Variants in RNGTT observed in about 807,000 individuals in gnomAD.
RNGTT encodes the protein RNA guanylyltransferase and 5'-phosphatase.
A neutral mutation model predicts 79.3 loss-of-function variants in RNGTT; 33 were observed. That is an observed-to-expected ratio of 0.42 (90% confidence interval 0.32 to 0.56). The LOEUF (loss-of-function observed/expected upper bound fraction) is 0.56. Among genes scored for constraint, RNGTT ranks in the 20% least tolerant of loss-of-function variants. The probability of loss-of-function intolerance (pLI) is 0.17; values close to 1 mark genes in which losing one functional copy is unlikely to be tolerated. For missense variants in RNGTT, 497 were observed against 739.1 expected (o/e 0.67, Z 3.80); for synonymous variants, 222 against 235.9 (o/e 0.94, Z 0.54).
intron 14 of RNGTT, among the ~76,000 whole-genome samples, chr6:88,664,311 C>A (rs1319470200): frequency 6.6e-6 from 1 of 152,208 alleles, no homozygotes; most frequent in Non-Finnish European, 1.5e-5. Context: ...CGCATGTACA[C>A]TCCCTTTGAC....
intron 12 of RNGTT, among the ~76,000 whole-genome samples, chr6:88,801,004 C>T (rs941831699): frequency 6.6e-6 from 1 of 152,154 alleles, no homozygotes; most frequent in African/African-American, 2.4e-5. Flanking sequence ...AATGAGAAAA[C>T]CTGCTATAGA....
At chr6:88,854,243 T>G (rs1264032496) in intron 8 of RNGTT, among the ~76,000 whole-genome samples, 1 of 152,092 alleles carries the variant, frequency 6.6e-6, no homozygotes, top group East Asian at 1.9e-4. Context: ...AAATAATAAT[T>G]TTTTTAACTT....
intron 4 of RNGTT, among the ~76,000 whole-genome samples, chr6:88,925,594 TAA>T (rs35542749): frequency 1.3e-4 from 14 of 111,852 alleles, no homozygotes; most frequent in South Asian, 2.8e-4. Flanking sequence ...CCTTACCTCA[TAA>T]AAAAAAAAAA....
At chr6:88,686,017 A>T (rs1252376711) in intron 13 of RNGTT, among the ~76,000 whole-genome samples, 1 of 151,452 alleles carries the variant, frequency 6.6e-6, no homozygotes, top group Admixed American at 6.6e-5. Context: ...AACATAATAT[A>T]TATACATATG....
intron 13 of RNGTT, among the ~76,000 whole-genome samples, chr6:88,707,968 C>T (rs141814230): frequency 6.6e-6 from 1 of 151,922 alleles, no homozygotes; most frequent in East Asian, 2.0e-4. Flanking sequence ...AAATCAAGAT[C>T]TAAGTAGACA....
chr6:88,739,867 C>T (rs1044542497), intron 13 of RNGTT, among the ~76,000 whole-genome samples: 5 of 148,698 alleles, frequency 3.4e-5, no homozygotes, highest in Non-Finnish European at 4.5e-5. Context: ...TATGAAGCTC[C>T]CATGAGGATT....
intron 11 of RNGTT, among the ~76,000 whole-genome samples, chr6:88,829,767 C>T (rs1780794899): frequency 6.9e-6 from 1 of 144,106 alleles, no homozygotes; most frequent in East Asian, 2.0e-4. Context: ...AGACTTTAAA[C>T]CAACAAAGAT....
At chr6:88,663,497 T>C (rs1023624833) in intron 14 of RNGTT, among the ~76,000 whole-genome samples, 2 of 152,162 alleles carry the variant, frequency 1.3e-5, no homozygotes, top group Admixed American at 6.5e-5. Flanking sequence ...GCAGTACTAG[T>C]AGCAAAGGGA....
intron 11 of RNGTT, among the ~76,000 whole-genome samples, chr6:88,839,424 G>A (rs918858441): frequency 2.6e-5 from 4 of 152,046 alleles, no homozygotes; most frequent in African/African-American, 7.2e-5. Flanking sequence ...TAAAAAATTA[G>A]CTAGGAATGG....
intron 9 of RNGTT, 117 bp from the exon 10 acceptor site, chr6:88,849,943 A>C (rs1271325740): frequency 1.0e-6 from 1 of 986,650 alleles, no homozygotes; most frequent in Admixed American, 4.1e-5. Context: ...AACTTGATGA[A>C]ATTTCAAAGT....
chr6:88,628,864 T>C (rs184730231), intron 14 of RNGTT, among the ~76,000 whole-genome samples: 9 of 152,136 alleles, frequency 5.9e-5, no homozygotes, highest in Admixed American at 4.6e-4. Flanking sequence ...TGACTAACAG[T>C]TAAAGAGCTA....
intron 12 of RNGTT, among the ~76,000 whole-genome samples, chr6:88,791,225 G>A (rs61166580): frequency 0.021 from 3,076 of 145,356 alleles, 117 homozygotes; most frequent in African/African-American, 0.073. Context: ...GTTCATTACA[G>A]CCTTGACCTC....
chr6:88,914,667 A>G (rs1346397124), intron 4 of RNGTT, among the ~76,000 whole-genome samples: 1 of 152,220 alleles, frequency 6.6e-6, no homozygotes, highest in Admixed American at 6.5e-5. Context: ...TAAATGTAAG[A>G]CTGCAAACTA....
intron 4 of RNGTT, among the ~76,000 whole-genome samples, chr6:88,907,877 C>A (rs961440408): frequency 1.3e-5 from 2 of 151,698 alleles, no homozygotes; most frequent in African/African-American, 4.8e-5. Flanking sequence ...GCTGGAACTA[C>A]AGGCTCACAC....
At chr6:88,901,416 G>C (rs1460189202) in intron 6 of RNGTT, among the ~76,000 whole-genome samples, 2 of 147,300 alleles carry the variant, frequency 1.4e-5, no homozygotes, top group African/African-American at 5.0e-5. Context: ...CAACAAGGTA[G>C]CTAACTTCTC....
intron 13 of RNGTT, among the ~76,000 whole-genome samples, chr6:88,705,539 G>A (rs78034737): frequency 0.079 from 12,028 of 152,150 alleles, 723 homozygotes; most frequent in Non-Finnish European, 0.11. Context: ...TGAGATGACA[G>A]ATGAAGCATA....
At chr6:88,877,039 C>T (rs1782540879) in intron 8 of RNGTT, among the ~76,000 whole-genome samples, 1 of 152,056 alleles carries the variant, frequency 6.6e-6, no homozygotes, top group African/African-American at 2.4e-5. Flanking sequence ...TTTAGTAAAT[C>T]CTAAAGATGT....
chr6:88,657,454 G>T (rs1284750925), intron 14 of RNGTT, among the ~76,000 whole-genome samples: 1 of 152,212 alleles, frequency 6.6e-6, no homozygotes, highest in Non-Finnish European at 1.5e-5. Context: ...GCAGAATTGG[G>T]AAGGAGCCAC....
At chr6:88,679,562 C>A (rs1775011165) in intron 13 of RNGTT, among the ~76,000 whole-genome samples, 1 of 152,094 alleles carries the variant, frequency 6.6e-6, no homozygotes, top group Admixed American at 6.5e-5. Flanking sequence ...AAAAATCAAA[C>A]CAAATAGAGG....
Sources: allele counts gnomAD v4.1 joint callset (sites outside exome capture counted in the v4.1 genomes callset), GRCh38; gene constraint gnomAD v4.1.1; transcripts MANE v1.5; gene names NCBI Gene and HGNC (gene_info 2026-07-23, HGNC 2026-07-21).